The following SLC25A48 variants were observed in gnomAD, a reference collection of about 807,000 sequenced individuals.
The protein encoded by SLC25A48 is solute carrier family 25 member 48, also known as CTC-321K16.1.
In SLC25A48, 29 loss-of-function variants were observed where a neutral mutation model predicts 32.2. The ratio of observed to expected loss-of-function variants is 0.90; its 90% CI spans 0.67 to 1.23. The LOEUF (loss-of-function observed/expected upper bound fraction) is 1.23. SLC25A48 is among the 50% of genes most tolerant of loss of function. SLC25A48 has a pLI of 0.00. For missense variants in SLC25A48, 399 were observed against 422.7 expected (o/e 0.94, Z 0.49); for synonymous variants, 164 against 172.3 (o/e 0.95, Z 0.38).
chr5:135,794,248 G>A (rs1757108602), intron 3 of SLC25A48, among the ~76,000 whole-genome samples: 1 of 151,702 alleles, frequency 6.6e-6, no homozygotes, highest in East Asian at 1.9e-4. Context: ...TAGGGGGGGA[G>A]TGGATGATGT....
At chr5:135,641,077 G>T (rs1477907510) in intron 3 of SLC25A48, among the ~76,000 whole-genome samples, 1 of 152,186 alleles carries the variant, frequency 6.6e-6, no homozygotes, top group Non-Finnish European at 1.5e-5. Flanking sequence ...ATGTCATCTT[G>T]TATGTAGAAA....
intron 4 of SLC25A48, among the ~76,000 whole-genome samples, chr5:135,857,829 A>G (rs1317374078): frequency 1.3e-5 from 2 of 152,072 alleles, no homozygotes; most frequent in Non-Finnish European, 2.9e-5. Flanking sequence ...TTGCCTAGGT[A>G]TGGGAGCCTG....
At chr5:135,711,310 C>G (rs181950659) in intron 3 of SLC25A48, among the ~76,000 whole-genome samples, 5 of 152,304 alleles carry the variant, frequency 3.3e-5, no homozygotes, top group South Asian at 4.1e-4. Context: ...GATAGTCAGT[C>G]ATATTCCAGA....
intron 3 of SLC25A48, among the ~76,000 whole-genome samples, chr5:135,724,250 T>C (rs1484661858): frequency 1.3e-5 from 2 of 152,236 alleles, no homozygotes; most frequent in African/African-American, 4.8e-5. Context: ...TTAATGCCAT[T>C]AGTTGCCACT....
chr5:135,804,594 C>A (rs1181511443), intron 3 of SLC25A48, among the ~76,000 whole-genome samples: 1 of 151,038 alleles, frequency 6.6e-6, no homozygotes, highest in Non-Finnish European at 1.5e-5. Context: ...AGAGATATTA[C>A]CCTTAATATC....
rs1175614552 is a variant in SLC25A48, at chr5:135,638,252, T to C, written c.-521+3296T>C. The stretch of plus-strand genomic sequence containing the variant: ...AAAAAGAGTAGATGTAAAACTGATA[T>C]TAGTGAAACAAATATTAATATTTGT... On this transcript the variant is annotated intron_variant, in intron 3 of 10. Coordinates refer to the SLC25A48 transcript ENST00000646290. 2.6e-5 allele frequency among the ~76,000 whole-genome samples: 4 copies of C among 152,358 alleles called. No individual in the cohort carries two copies. In the East Asian group the frequency reaches 5.8e-4, roughly 22 times the overall value.
chr5:135,811,423 GATTGAGGAGAT>G, intron 3 of SLC25A48, among the ~76,000 whole-genome samples: 1 of 152,304 alleles, frequency 6.6e-6, no homozygotes, highest in Non-Finnish European at 1.5e-5. Flanking sequence ...AGGGGTGGGG[GATTGAGGAGAT>G]ATTGGTCGAA....
chr5:135,725,890 A>AC (rs1304222419), intron 3 of SLC25A48, among the ~76,000 whole-genome samples: 1 of 152,032 alleles, frequency 6.6e-6, no homozygotes, highest in African/African-American at 2.4e-5. Context: ...TCAAAAAAAA[A>AC]AACTCCACTG....
chr5:135,618,229 C>T (rs1752234184), intron 1 of SLC25A48, among the ~76,000 whole-genome samples: 1 of 152,074 alleles, frequency 6.6e-6, no homozygotes, highest in South Asian at 2.1e-4. Flanking sequence ...ATAAGTATAG[C>T]TATTCCTACT....
intron 1 of SLC25A48, among the ~76,000 whole-genome samples, chr5:135,592,187 C>T (rs1338888322): frequency 6.6e-6 from 1 of 152,192 alleles, no homozygotes; most frequent in Non-Finnish European, 1.5e-5. Flanking sequence ...GGCTCCATGC[C>T]TGTCTCCTGG....
chr5:135,660,285 T>C (rs1753366333), intron 3 of SLC25A48, among the ~76,000 whole-genome samples: 1 of 152,202 alleles, frequency 6.6e-6, no homozygotes, highest in Non-Finnish European at 1.5e-5. Context: ...ATATCAATGA[T>C]GATACAATCA....
intron 3 of SLC25A48, among the ~76,000 whole-genome samples, chr5:135,799,713 C>T (rs1050377158): frequency 6.6e-6 from 1 of 151,578 alleles, no homozygotes; most frequent in African/African-American, 2.4e-5. Flanking sequence ...AAATTTGTTC[C>T]TAATATCCGC....
intron 3 of SLC25A48, among the ~76,000 whole-genome samples, chr5:135,772,280 TC>T (rs897705201): frequency 6.6e-6 from 1 of 151,012 alleles, no homozygotes; most frequent in Admixed American, 6.6e-5. Flanking sequence ...AGGATATTAC[TC>T]CCACTGTCAC....
intron 1 of SLC25A48, chr5:135,601,219 G>C (rs891113497): frequency 6.6e-6 from 1 of 152,374 alleles, no homozygotes; most frequent in African/African-American, 2.4e-5. Context: ...TCATTTAATG[G>C]CTCTTGACAC....
chr5:135,782,330 A>G lies in SLC25A48; in HGVS notation c.-520-30193A>G, dbSNP rs1464372816. Reference sequence around the variant, plus strand: ...TGGGGAGAAGATAATATTACTTTTAATATTGCAGGGTGTGTACACCCCCCT... The same window carrying G: ...TGGGGAGAAGATAATATTACTTTTAGTATTGCAGGGTGTGTACACCCCCCT... On this transcript the variant is annotated intron_variant, in intron 3 of 10. Coordinates refer to the SLC25A48 transcript ENST00000646290. Among the ~76,000 whole-genome samples, 2 of 115,626 alleles carry G rather than the reference A, an allele frequency of 1.7e-5. 1 individual carries two copies. The highest frequency in any genetic ancestry group is 4.3e-5 in the Non-Finnish European group (2 of 46,742). 75.9% of individuals were successfully genotyped at this position (115,626 alleles called of 152,430 possible).
chr5:135,618,253 T>C (rs915916609), intron 1 of SLC25A48, among the ~76,000 whole-genome samples: 2 of 152,162 alleles, frequency 1.3e-5, no homozygotes, highest in Non-Finnish European at 2.9e-5. Flanking sequence ...TTTTGGTTTC[T>C]ATTTGCATTG....
intron 3 of SLC25A48, among the ~76,000 whole-genome samples, chr5:135,736,229 A>G (rs1328658593): frequency 1.3e-5 from 2 of 152,144 alleles, no homozygotes; most frequent in African/African-American, 2.4e-5. Context: ...TGAAGTGTGA[A>G]AAATGCCTGG....
At chr5:135,857,006 A>G (rs1760379290) in intron 4 of SLC25A48, among the ~76,000 whole-genome samples, 1 of 152,182 alleles carries the variant, frequency 6.6e-6, no homozygotes, top group Non-Finnish European at 1.5e-5. Context: ...CTCCTTTACC[A>G]CCTGGCACCT....
chr5:135,887,694 C>G (rs1762785240), intron 7 of SLC25A48, among the ~76,000 whole-genome samples: 1 of 151,998 alleles, frequency 6.6e-6, no homozygotes, highest in Non-Finnish European at 1.5e-5. Flanking sequence ...TGGCGTTGCC[C>G]TTTTCCTTCT....
Sources: allele counts gnomAD v4.1 joint callset (sites outside exome capture counted in the v4.1 genomes callset), GRCh38; gene constraint gnomAD v4.1.1; transcripts MANE v1.5; gene names NCBI Gene and HGNC (gene_info 2026-07-23, HGNC 2026-07-21).